TFAM: variants seen among roughly 807,000 people sequenced by gnomAD.
The protein encoded by TFAM is transcription factor A, mitochondrial.
TFAM carries 13 observed loss-of-function variants against 30.6 expected under a neutral mutation model. That is an observed-to-expected ratio of 0.42 (90% CI 0.28 to 0.67). TFAM has a LOEUF of 0.67. TFAM is among the 30% of genes least tolerant of loss of function. The pLI is 0.21. For synonymous variants in TFAM, 106 were observed against 94.8 expected (o/e 1.12, Z -0.69); for missense variants, 231 against 293.7 (o/e 0.79, Z 1.56).
chr10:58,392,236 A>G (rs1475356394), intron 5 of TFAM, among the ~76,000 whole-genome samples: 1 of 152,154 alleles, frequency 6.6e-6, no homozygotes, highest in African/African-American at 2.4e-5. Context: ...AAATGTCTGT[A>G]TCCTCACATT....
chr10:58,392,954 G>T (rs1230445460), intron 5 of TFAM, among the ~76,000 whole-genome samples: 5 of 151,754 alleles, frequency 3.3e-5, no homozygotes, highest in Non-Finnish European at 7.4e-5. Context: ...TGGGATTACA[G>T]ATGTGAGCCA....
Position 58,396,373 on chromosome 10 carries a change from G to A in TFAM, c.*1299G>A, listed in dbSNP as rs1840682194. The A allele has an allele frequency of 6.6e-6, 1 of 152,140 alleles. No individual in the cohort carries two copies. The highest frequency in any genetic ancestry group is 1.5e-5 in the Non-Finnish European group (1 of 68,000). The allele number at this position is 152,140 out of a possible 1,614,324, so 9.4% of individuals were successfully genotyped here. ...GTTTTAGAATCATTGTCACCTTTAAGAGGAAAAAGGTCATCACTAGATAAT... is the reference window on the plus strand; with the variant it reads ...GTTTTAGAATCATTGTCACCTTTAAAAGGAAAAAGGTCATCACTAGATAAT... On this transcript the variant is annotated 3_prime_UTR_variant, in exon 7 of 7. Transcript: ENST00000487519.
rs1185890361 is a variant in TFAM, at chr10:58,398,774, C to T, written c.*3700C>T. On this transcript the variant is annotated 3_prime_UTR_variant, in exon 7 of 7. Coordinates refer to ENST00000487519, the MANE Select transcript of TFAM (RefSeq NM_003201.3). ...GTACCCATTATTTCTCTTAATTTTA[C>T]TAACATTTACTATAAGAATATTCTC... 2 of 152,130 alleles carry T rather than the reference C, an allele frequency of 1.3e-5. No homozygotes were observed. Among genetic ancestry groups the T allele is most frequent in the Admixed American group, 1.3e-4 (2 of 15,282 alleles). 9.4% of individuals were successfully genotyped at this position (152,130 alleles called of 1,614,324 possible).
chr10:58,395,199 T>TA lies in TFAM; in HGVS notation c.*125_*126insA. On this transcript the variant is annotated 3_prime_UTR_variant, in exon 7 of 7. Transcript: ENST00000487519. Reference sequence around the variant, plus strand: ...TAAACCTTTTATATTTAGTATCTTTTTATTCAGCTCATGGACTTCTGCCAG... The same window carrying TA: ...TAAACCTTTTATATTTAGTATCTTTTATATTCAGCTCATGGACTTCTGCCAG... 1.0e-6 allele frequency: 1 copy of TA among 1,000,862 alleles called. No homozygotes were observed. The highest frequency in any genetic ancestry group is 1.6e-5 in the African/African-American group (1 of 62,156). 62.0% of individuals were successfully genotyped at this position (1,000,862 alleles called of 1,614,324 possible). A position where few individuals can be genotyped will look rare whatever the true frequency, so the allele number is the denominator to read the frequency against.
intron 2 of TFAM, chr10:58,386,731 A>G (rs1428690642): frequency 3.7e-6 from 4 of 1,083,192 alleles, no homozygotes; most frequent in Non-Finnish European, 3.4e-6. Context: ...GTTCTGTAGA[A>G]CTGTAAAGTT....
chr10:58,386,752 T>C (rs1253992276), intron 2 of TFAM: 2 of 962,124 alleles, frequency 2.1e-6, no homozygotes, highest in Non-Finnish European at 2.5e-6. Context: ...CTATGCAATT[T>C]ACTGCTAATT....
chr10:58,394,817 T>C (rs942106990), intron 6 of TFAM, 111 bp from the exon 7 acceptor site: 7 of 1,052,670 alleles, frequency 6.6e-6, no homozygotes, highest in Non-Finnish European at 8.4e-6. Context: ...AGAATGGTAA[T>C]GTAATTTCTA....
intron 2 of TFAM, 25 bp downstream of exon 2, chr10:58,386,363 C>G (rs1269718411): frequency 1.3e-6 from 2 of 1,490,678 alleles, no homozygotes; most frequent in Non-Finnish European, 9.4e-7. Flanking sequence ...GGCATATACC[C>G]TTTTCTCATG....
chr10:58,386,692 A>G (rs1840496906), intron 2 of TFAM: 2 of 1,135,628 alleles, frequency 1.8e-6, no homozygotes, highest in Non-Finnish European at 1.1e-6. Flanking sequence ...TAAAGTTGCA[A>G]CTTCTGTGGA....
Position 58,398,846 on chromosome 10 carries a change from A to G in TFAM, c.*3772A>G, listed in dbSNP as rs1442607954. 1.3e-5 allele frequency: 2 copies of G among 152,180 alleles called. No individual in the cohort carries two copies. The highest frequency in any genetic ancestry group is 2.4e-5 in the African/African-American group (1 of 41,452). The allele number at this position is 152,180 out of a possible 1,614,324, so 9.4% of individuals were successfully genotyped here. On this transcript the variant is annotated 3_prime_UTR_variant, in exon 7 of 7. Transcript: ENST00000487519. ...GCCATTCTCCCTCCTTCTCTTCATAACATCAAGCTGTCACAGACAAATCTG... is the reference window on the plus strand; with the variant it reads ...GCCATTCTCCCTCCTTCTCTTCATAGCATCAAGCTGTCACAGACAAATCTG...
At chr10:58,394,800 T>A in intron 6 of TFAM, 128 bp from the exon 7 acceptor site, 1 of 899,216 alleles carries the variant, frequency 1.1e-6, no homozygotes, top group East Asian at 2.7e-5. Context: ...TCTGCCTTTA[T>A]ACATGTAGAA....
intron 1 of TFAM, 142 bp from the exon 2 acceptor site, chr10:58,386,078 A>G (rs1248748741): frequency 1.3e-5 from 10 of 752,888 alleles, no homozygotes; most frequent in African/African-American, 3.7e-5. Flanking sequence ...CAGGGTTTTA[A>G]TAAGTCTCTA....
At chr10:58,393,973 A>G (rs1183508220) in intron 5 of TFAM, among the ~76,000 whole-genome samples, 1 of 152,076 alleles carries the variant, frequency 6.6e-6, no homozygotes, top group African/African-American at 2.4e-5. Flanking sequence ...GACCTTTTCC[A>G]GGTCATATAA....
chr10:58,390,972 CTT>C (rs1332017085), intron 5 of TFAM, 112 bp downstream of exon 5: 1 of 984,634 alleles, frequency 1.0e-6, no homozygotes, highest in East Asian at 2.6e-5. Context: ...ACAGTAAACT[CTT>C]TTGCTAAGGC....
chr10:58,385,520 T>G lies in TFAM; in HGVS notation c.-28T>G. 2.0e-6 allele frequency: 3 copies of G among 1,532,216 alleles called. No individual in the cohort carries two copies. The highest frequency in any genetic ancestry group is 2.7e-6 in the Non-Finnish European group (3 of 1,129,644). 94.9% of individuals were successfully genotyped at this position (1,532,216 alleles called of 1,614,324 possible). A position where few individuals can be genotyped will look rare whatever the true frequency, so the allele number is the denominator to read the frequency against. The stretch of plus-strand genomic sequence containing the variant: ...GCCAGGAGGCTCTCCGAGATTGGGG[T>G]CGGGTCACTGCCTCATCCACCGGAG... On this transcript the variant is annotated 5_prime_UTR_variant, in exon 1 of 7. Coordinates refer to ENST00000487519, the MANE Select transcript of TFAM (RefSeq NM_003201.3).
At chr10:58,386,707 T>G in intron 2 of TFAM, 1 of 1,124,326 alleles carries the variant, frequency 8.9e-7, no homozygotes, top group Non-Finnish European at 1.1e-6. Context: ...TGTGGAAGCA[T>G]CCATAAACTG....
intron 4 of TFAM, 99 bp from the exon 5 acceptor site, chr10:58,390,666 A>G: frequency 1.1e-6 from 1 of 895,708 alleles, no homozygotes; most frequent in Non-Finnish European, 1.8e-6. Flanking sequence ...ACTTTAAGGA[A>G]TAATCTGTAA....
At chr10:58,391,994 A>G (rs919799739) in intron 5 of TFAM, among the ~76,000 whole-genome samples, 1 of 151,178 alleles carries the variant, frequency 6.6e-6, no homozygotes, top group African/African-American at 2.4e-5. Flanking sequence ...GCTTTTAGTA[A>G]ATTTAGGATG....
intron 5 of TFAM, among the ~76,000 whole-genome samples, chr10:58,391,786 C>G (rs927988759): frequency 6.6e-6 from 1 of 151,670 alleles, no homozygotes; most frequent in East Asian, 2.0e-4. Flanking sequence ...ATGGCAAACA[C>G]AGCAGTTACT....
Sources: allele counts gnomAD v4.1 joint callset (sites outside exome capture counted in the v4.1 genomes callset), GRCh38; gene constraint gnomAD v4.1.1; transcripts MANE v1.5; gene names NCBI Gene and HGNC (gene_info 2026-07-23, HGNC 2026-07-21).